Variants in SDCCAG8 observed in about 807,000 individuals in gnomAD.
SDCCAG8 encodes the protein serologically defined colon cancer antigen 8.
In SDCCAG8, 74 loss-of-function variants were observed where a neutral mutation model predicts 101.8. The ratio of observed to expected loss-of-function variants is 0.73; its 90% CI spans 0.60 to 0.88. The LOEUF (loss-of-function observed/expected upper bound fraction) is 0.88, where lower values mean the gene tolerates loss of function less well. Ranked by LOEUF, SDCCAG8 falls within the 40% of genes least tolerant of loss-of-function variation. The pLI is 0.00. For synonymous variants in SDCCAG8, 281 were observed against 292.9 expected (o/e 0.96, Z 0.41); for missense variants, 787 against 822.6 (o/e 0.96, Z 0.53).
intron 1 of SDCCAG8, among the ~76,000 whole-genome samples, chr1:243,257,800 C>G (rs563373602): frequency 1.1e-3 from 162 of 152,290 alleles, no homozygotes; most frequent in Non-Finnish European, 2.1e-3. Context: ...GCACTTCTAA[C>G]TTTTCATTTG....
At chr1:243,256,263 C>A (rs376713771) in intron 1 of SDCCAG8, 23 bp downstream of exon 1, 3 of 1,609,570 alleles carry the variant, frequency 1.9e-6, no homozygotes, top group African/African-American at 2.7e-5. Context: ...AAACCTCTGT[C>A]CCTAGCCCCG....
chr1:243,338,031 C>T (rs948389315), intron 10 of SDCCAG8, among the ~76,000 whole-genome samples: 3 of 152,092 alleles, frequency 2.0e-5, no homozygotes, highest in African/African-American at 7.2e-5. Flanking sequence ...AGCAATCCCC[C>T]TGCCTCAGCC....
intron 1 of SDCCAG8, among the ~76,000 whole-genome samples, chr1:243,259,756 T>A (rs970854252): frequency 3.3e-5 from 5 of 151,474 alleles, no homozygotes; most frequent in African/African-American, 4.9e-5. Context: ...GAGGCGCAGG[T>A]TGCGGTGGGC....
chr1:243,377,637 G>T (rs184480306), intron 12 of SDCCAG8, among the ~76,000 whole-genome samples: 1 of 151,918 alleles, frequency 6.6e-6, no homozygotes, highest in Non-Finnish European at 1.5e-5. Flanking sequence ...TATCTTCCAT[G>T]ATGTATCAAA....
chr1:243,337,296 TTG>T (rs2075075054), intron 10 of SDCCAG8, among the ~76,000 whole-genome samples: 1 of 152,228 alleles, frequency 6.6e-6, no homozygotes, highest in African/African-American at 2.4e-5. Context: ...TTTGTCAAGT[TTG>T]TCAAAGATCA....
intron 13 of SDCCAG8, among the ~76,000 whole-genome samples, chr1:243,401,102 T>C (rs569606259): frequency 1.3e-5 from 2 of 152,216 alleles, no homozygotes; most frequent in Non-Finnish European, 2.9e-5. Context: ...TGAGGTTTTC[T>C]ATAAATAACC....
chr1:243,338,195 A>G (rs898752800), intron 10 of SDCCAG8, among the ~76,000 whole-genome samples: 1 of 152,166 alleles, frequency 6.6e-6, no homozygotes, highest in South Asian at 2.1e-4. Flanking sequence ...GATTCCAAGC[A>G]TGAGCCACAG....
In SDCCAG8 at chr1:243,499,933, C is replaced by G. The variant is rs1669086325; in HGVS notation, c.*148C>G. 3 of 739,044 alleles carry G rather than the reference C, an allele frequency of 4.1e-6. No homozygotes were observed. The highest frequency in any genetic ancestry group is 4.8e-6 in the Non-Finnish European group (2 of 418,192). 45.8% of individuals were successfully genotyped at this position (739,044 alleles called of 1,614,324 possible). On this transcript the variant is annotated 3_prime_UTR_variant, in exon 18 of 18. Transcript: ENST00000366541. ...GGGCTGGTCCTCATCAACGCGGGCGCTGTCCCCGCACGCAGTCGGGCTGGA... is the reference window on the plus strand; with the variant it reads ...GGGCTGGTCCTCATCAACGCGGGCGGTGTCCCCGCACGCAGTCGGGCTGGA...
At chr1:243,259,590 C>T (rs1362177462) in intron 1 of SDCCAG8, among the ~76,000 whole-genome samples, 2 of 151,986 alleles carry the variant, frequency 1.3e-5, no homozygotes, top group Non-Finnish European at 2.9e-5. Flanking sequence ...GAGGCCGAGG[C>T]GGGCAGATCA....
At chr1:243,444,625 C>T (rs952577037) in intron 16 of SDCCAG8, among the ~76,000 whole-genome samples, 7 of 152,102 alleles carry the variant, frequency 4.6e-5, no homozygotes, top group Admixed American at 1.3e-4. Flanking sequence ...TCAGGCAGTC[C>T]GCCTGCCTCA....
At chr1:243,486,902 T>C (rs1008263242) in intron 16 of SDCCAG8, among the ~76,000 whole-genome samples, 2 of 150,218 alleles carry the variant, frequency 1.3e-5, no homozygotes, top group Non-Finnish European at 3.0e-5. Flanking sequence ...TCTGTTCCAT[T>C]CTTTTCGAGC....
intron 13 of SDCCAG8, among the ~76,000 whole-genome samples, chr1:243,392,390 G>A (rs1298665192): frequency 6.6e-6 from 1 of 152,170 alleles, no homozygotes; most frequent in Non-Finnish European, 1.5e-5. Flanking sequence ...TGCCATTCCT[G>A]ATATCAACTC....
chr1:243,337,066 C>T lies in SDCCAG8; in HGVS notation c.1222-3973C>T, dbSNP rs978797441. On this transcript the variant is annotated intron_variant, in intron 10 of 17. Transcript: ENST00000366541. Reference sequence around the variant, plus strand: ...GCTTTTGAGAACTTAGTCATAAATTCTTTCCCAAGGCCCATGTAGGAAACA... The same window carrying T: ...GCTTTTGAGAACTTAGTCATAAATTTTTTCCCAAGGCCCATGTAGGAAACA... Among the ~76,000 whole-genome samples, 7 of 152,076 alleles carry T rather than the reference C, an allele frequency of 4.6e-5. No individual in the cohort carries two copies. The South Asian group carries it at 1.0e-3, about 23-fold the overall frequency.
At chr1:243,294,482 G>GGGAGA (rs1259035129) in intron 6 of SDCCAG8, among the ~76,000 whole-genome samples, 1 of 99,954 alleles carries the variant, frequency 1.0e-5, no homozygotes, top group African/African-American at 4.5e-5. Context: ...GTGGGGGGGG[G>GGGAGA]GAGAGAGAGA....
intron 13 of SDCCAG8, among the ~76,000 whole-genome samples, chr1:243,384,497 T>C (rs533654881): frequency 1.8e-4 from 27 of 152,306 alleles, no homozygotes; most frequent in African/African-American, 6.3e-4. Context: ...TGTTTAAGTA[T>C]ATCAGAATCA....
At chr1:243,448,131 C>T (rs917421092) in intron 16 of SDCCAG8, among the ~76,000 whole-genome samples, 10 of 152,210 alleles carry the variant, frequency 6.6e-5, no homozygotes, top group Admixed American at 6.5e-4. Flanking sequence ...CATTGCTGAA[C>T]AATGGGAGGT....
At chr1:243,355,131 G>A (rs1258276787) in intron 12 of SDCCAG8, among the ~76,000 whole-genome samples, 2 of 152,106 alleles carry the variant, frequency 1.3e-5, no homozygotes, top group South Asian at 2.1e-4. Context: ...ACTCTTTTTG[G>A]TGTTAACATC....
intron 12 of SDCCAG8, among the ~76,000 whole-genome samples, chr1:243,352,392 A>G (rs1290116636): frequency 6.6e-6 from 1 of 152,194 alleles, no homozygotes; most frequent in East Asian, 1.9e-4. Flanking sequence ...AGTGGATGAC[A>G]TGTGTTTTGG....
chr1:243,314,271 T>C (rs2073037859), intron 8 of SDCCAG8, among the ~76,000 whole-genome samples: 1 of 152,210 alleles, frequency 6.6e-6, no homozygotes, highest in South Asian at 2.1e-4. Flanking sequence ...GTAATCGTTT[T>C]GTGGTCTCAC....
Sources: allele counts gnomAD v4.1 joint callset (sites outside exome capture counted in the v4.1 genomes callset), GRCh38; gene constraint gnomAD v4.1.1; transcripts MANE v1.5; gene names NCBI Gene and HGNC (gene_info 2026-07-23, HGNC 2026-07-21).